The following ITGB5 variants were observed in gnomAD, a reference collection of about 807,000 sequenced individuals.
ITGB5 encodes the protein integrin subunit beta 5, also known as integrin beta-5.
In ITGB5, 38 loss-of-function variants were observed where a neutral mutation model predicts 84.8. The ratio of observed to expected loss-of-function variants is 0.45; its 90% CI spans 0.35 to 0.59. The LOEUF (loss-of-function observed/expected upper bound fraction) is 0.59. Among genes scored for constraint, ITGB5 ranks in the 20% least tolerant of loss-of-function variants. ITGB5 has a pLI of 0.01. For synonymous variants in ITGB5, 393 were observed against 414.4 expected (o/e 0.95, Z 0.63); for missense variants, 905 against 1,034.5 (o/e 0.87, Z 1.72).
chr3:124,764,173 C>T (rs1579158156), intron 14 of ITGB5, among the ~76,000 whole-genome samples: 2 of 152,208 alleles, frequency 1.3e-5, no homozygotes, highest in African/African-American at 4.8e-5. Context: ...CCCCCATGAC[C>T]TTCCTGACCT....
chr3:124,771,923 C>T (rs565774784), intron 11 of ITGB5, among the ~76,000 whole-genome samples: 1 of 152,242 alleles, frequency 6.6e-6, no homozygotes, highest in Admixed American at 6.5e-5. Context: ...TGACTTAAAG[C>T]CAATCCTCCA....
At chr3:124,884,318 C>T (rs1411196719) in intron 1 of ITGB5, among the ~76,000 whole-genome samples, 1 of 152,098 alleles carries the variant, frequency 6.6e-6, no homozygotes, top group Non-Finnish European at 1.5e-5. Flanking sequence ...TCCTGAGAAG[C>T]TTCAGGGCCC....
chr3:124,855,343 C>T (rs771951067), intron 3 of ITGB5, among the ~76,000 whole-genome samples: 3 of 152,058 alleles, frequency 2.0e-5, no homozygotes, highest in Non-Finnish European at 4.4e-5. Flanking sequence ...GAAAAACCAA[C>T]CCCTATATAC....
intron 1 of ITGB5, among the ~76,000 whole-genome samples, chr3:124,882,514 ATG>A (rs1199993314): frequency 1.3e-5 from 2 of 152,214 alleles, no homozygotes; most frequent in Non-Finnish European, 2.9e-5. Flanking sequence ...CCATGGGAGC[ATG>A]GCTGGCACGC....
intron 2 of ITGB5, among the ~76,000 whole-genome samples, chr3:124,871,824 T>G (rs1221342352): frequency 6.7e-6 from 1 of 149,482 alleles, no homozygotes; most frequent in Non-Finnish European, 1.5e-5. Context: ...AGATCCTGTC[T>G]CAAAAAATAA....
chr3:124,857,518 G>A (rs2065236049), intron 3 of ITGB5, among the ~76,000 whole-genome samples: 1 of 152,140 alleles, frequency 6.6e-6, no homozygotes, highest in Non-Finnish European at 1.5e-5. Flanking sequence ...TCTTTCCACT[G>A]CTACAAGCTT....
At chr3:124,784,314 G>A (rs1216184300) in intron 10 of ITGB5, among the ~76,000 whole-genome samples, 1 of 151,906 alleles carries the variant, frequency 6.6e-6, no homozygotes, top group Non-Finnish European at 1.5e-5. Flanking sequence ...AGACCAGCCT[G>A]GGCAAAACAG....
In ITGB5 at chr3:124,764,591, C is replaced by T. The variant is rs770169266; in HGVS notation, c.2138-34G>A. Reference sequence around the variant, plus strand: ...ACCAGAAGCATGGTAAGCAAAGCCACTAGCATCACCATGCCCCTCTCACGC... The same window carrying T: ...ACCAGAAGCATGGTAAGCAAAGCCATTAGCATCACCATGCCCCTCTCACGC... On this transcript the variant is annotated intron_variant, in intron 13 of 14. Transcript: ENST00000296181. 6 of 1,583,686 alleles carry T rather than the reference C, an allele frequency of 3.8e-6. No individual in the cohort carries two copies. The African/African-American group carries it at 4.0e-5, about 11-fold the overall frequency.
rs1219107649 is a variant in ITGB5 at position 124,867,715 on chromosome 3, CT to C, written c.156+5730del. Among the ~76,000 whole-genome samples, 8 of 152,332 alleles carry C rather than the reference CT, an allele frequency of 5.3e-5. No homozygotes were observed. In the East Asian group the frequency reaches 1.5e-3, roughly 29 times the overall value. ...GAAGAATGTGGGCTACCCCTAGGCC[CT>C]GCTTGAAAGCATCCGCACACTCTCC... On this transcript the variant is annotated intron_variant, in intron 2 of 14. Coordinates refer to ENST00000296181, the MANE Select transcript of ITGB5 (RefSeq NM_002213.5).
chr3:124,888,174 C>G (rs1371616784), upstream of ITGB5, among the ~76,000 whole-genome samples: 1 of 152,102 alleles, frequency 6.6e-6, no homozygotes, highest in Non-Finnish European at 1.5e-5. Context: ...GTGTCTGCCT[C>G]CTAAAGTGCT....
rs2063707358 is a variant in ITGB5 at position 124,762,341 on chromosome 3, C to T, written c.*1282G>A. On this transcript the variant is annotated 3_prime_UTR_variant, in exon 15 of 15. Transcript: ENST00000296181. ...GGAATGAGGAGGCTGGCCCTCTGGC[C>T]AGCATGAGATGGGGTCTTAGGAACA... 1 of 152,168 alleles carries T rather than the reference C, an allele frequency of 6.6e-6. No homozygotes were observed. The highest frequency in any genetic ancestry group is 1.5e-5 in the Non-Finnish European group (1 of 68,030). The allele number at this position is 152,168 out of a possible 1,614,324, so 9.4% of individuals were successfully genotyped here. A position where few individuals can be genotyped will look rare whatever the true frequency, so the allele number is the denominator to read the frequency against.
intron 2 of ITGB5, among the ~76,000 whole-genome samples, chr3:124,868,962 G>C (rs1259298484): frequency 6.6e-6 from 1 of 152,156 alleles, no homozygotes; most frequent in Non-Finnish European, 1.5e-5. Context: ...TGATACCTGT[G>C]GGAGGAGACG....
chr3:124,841,912 G>A (rs1015111406), intron 4 of ITGB5, among the ~76,000 whole-genome samples: 1 of 152,214 alleles, frequency 6.6e-6, no homozygotes, highest in Non-Finnish European at 1.5e-5. Context: ...AGAGTGGAGA[G>A]GAAGTGTCCT....
At chr3:124,866,878 T>A (rs1425453773) in intron 2 of ITGB5, among the ~76,000 whole-genome samples, 1 of 152,238 alleles carries the variant, frequency 6.6e-6, no homozygotes, top group African/African-American at 2.4e-5. Context: ...CAGCTTTCAA[T>A]GGACTTATTA....
intron 10 of ITGB5, among the ~76,000 whole-genome samples, chr3:124,794,010 A>G (rs1409492010): frequency 6.6e-6 from 1 of 152,116 alleles, no homozygotes; most frequent in Non-Finnish European, 1.5e-5. Flanking sequence ...TCCTCCTCCC[A>G]TAGGACGGAG....
At position 124,809,189 on chromosome 3, in the gene ITGB5, T is replaced by G. The variant is rs1559945239; in HGVS notation, c.1129-33A>C. ...GAGAGAGAAAATGAAGCCCAACCAT[T>G]TAATAAAGGCTGTGGCTGAGGTGCT... On this transcript the variant is annotated intron_variant, in intron 8 of 14. Transcript: ENST00000296181. The G allele has an allele frequency of 1.9e-6, 3 of 1,612,578 alleles. No homozygotes were observed. In the South Asian group the frequency reaches 3.3e-5, roughly 18 times the overall value.
intron 7 of ITGB5, 81 bp from the exon 8 acceptor site, chr3:124,817,791 G>C: frequency 2.7e-6 from 2 of 750,178 alleles, no homozygotes; most frequent in South Asian, 1.7e-5. Context: ...TACTGGGCTA[G>C]AACAGTAAAG....
At chr3:124,845,713 A>G (rs1275578542) in intron 4 of ITGB5, among the ~76,000 whole-genome samples, 1 of 152,168 alleles carries the variant, frequency 6.6e-6, no homozygotes, top group East Asian at 1.9e-4. Flanking sequence ...CTTCCAATCT[A>G]GTGTCTCGGT....
chr3:124,841,808 G>T (rs913051973), intron 4 of ITGB5, among the ~76,000 whole-genome samples: 1 of 152,226 alleles, frequency 6.6e-6, no homozygotes, highest in African/African-American at 2.4e-5. Flanking sequence ...TTGTTCAAAG[G>T]AAACAGAGAT....
Sources: gnomAD v4.1 joint callset for allele counts (sites outside exome capture counted in the v4.1 genomes callset) on GRCh38, gnomAD v4.1.1 for gene constraint, MANE v1.5 for transcripts, NCBI Gene and HGNC (gene_info 2026-07-23, HGNC 2026-07-21) for gene names.